KCNK13: variants seen among roughly 807,000 people sequenced by gnomAD.
KCNK13 encodes the protein potassium two pore domain channel subfamily K member 13.
KCNK13 carries 12 observed loss-of-function variants against 23.4 expected under a neutral mutation model. That is an observed-to-expected ratio of 0.51 (90% CI 0.33 to 0.83). The LOEUF (loss-of-function observed/expected upper bound fraction) is 0.83, where lower values mean the gene tolerates loss of function less well. KCNK13 is among the 40% of genes least tolerant of loss of function. The probability of loss-of-function intolerance (pLI) is 0.02; values close to 1 mark genes in which losing one functional copy is unlikely to be tolerated. For missense variants in KCNK13, 463 were observed against 556.3 expected (o/e 0.83, Z 1.69); for synonymous variants, 231 against 229.5 (o/e 1.01, Z -0.06).
intron 1 of KCNK13, among the ~76,000 whole-genome samples, chr14:90,117,703 A>T (rs1329853504): frequency 6.6e-6 from 1 of 152,102 alleles, no homozygotes; most frequent in African/African-American, 2.4e-5. Context: ...GTAAGGGGGG[A>T]CCACTTGTAT....
At chr14:90,116,271 C>T (rs151125522) in intron 1 of KCNK13, among the ~76,000 whole-genome samples, 311 of 152,238 alleles carry the variant, frequency 2.0e-3, no homozygotes, top group Non-Finnish European at 3.6e-3. Context: ...TGAAGCCTGC[C>T]TTTAAATCTG....
chr14:90,089,652 A>T (rs1311697591), intron 1 of KCNK13, among the ~76,000 whole-genome samples: 1 of 152,232 alleles, frequency 6.6e-6, no homozygotes, highest in South Asian at 2.1e-4. Context: ...TCTCCAGGGC[A>T]TGTCAGAGGT....
rs1227170561 is a variant in KCNK13, at chr14:90,184,727, C to T, written c.951C>T (p.Gly317=). 1 of 1,614,168 alleles carries T rather than the reference C, an allele frequency of 6.2e-7. No homozygotes were observed. The highest frequency in any genetic ancestry group is 1.7e-5 in the Admixed American group (1 of 60,034). The change falls in exon 2 of 2, where the codon GGC becomes GGT. Residue 317 remains glycine (G), a synonymous_variant. Transcript: ENST00000282146. This position sits in a 1 kb window ranked among gnomAD's most constrained non-coding sequence, Gnocchi z 5.6. ...LRSRRNVVMP[G]SVRNRCNISI... is the part of the protein sequence containing the mutation. ...CACGCAGGAACGTGGTGATGCCAGGCAGCGTCCGGAACCGCTGCAACATCT... is the reference window on the plus strand; with the variant it reads ...CACGCAGGAACGTGGTGATGCCAGGTAGCGTCCGGAACCGCTGCAACATCT...
At chr14:90,159,832 C>T (rs1890232741) in intron 1 of KCNK13, among the ~76,000 whole-genome samples, 1 of 152,052 alleles carries the variant, frequency 6.6e-6, no homozygotes, top group Admixed American at 6.6e-5. Context: ...GTTTAAATTC[C>T]CCCTGTATCC....
At chr14:90,101,683 G>A (rs78526459) in intron 1 of KCNK13, among the ~76,000 whole-genome samples, 3 of 149,244 alleles carry the variant, frequency 2.0e-5, no homozygotes, top group Admixed American at 1.3e-4. Context: ...CCAGCTACTC[G>A]GGAGGCTGAG....
At chr14:90,106,151 T>A (rs1467979238) in intron 1 of KCNK13, among the ~76,000 whole-genome samples, 1 of 152,226 alleles carries the variant, frequency 6.6e-6, no homozygotes, top group East Asian at 1.9e-4. Context: ...GCTAACTCCC[T>A]TTTTATGTCA....
intron 1 of KCNK13, among the ~76,000 whole-genome samples, chr14:90,102,597 A>T (rs1323078030): frequency 1.3e-5 from 2 of 151,920 alleles, no homozygotes; most frequent in Middle Eastern, 3.2e-3. Flanking sequence ...CTCTCCCATG[A>T]CCCCCTATGA....
At chr14:90,065,266 G>A (rs1888994866) in intron 1 of KCNK13, among the ~76,000 whole-genome samples, 1 of 152,098 alleles carries the variant, frequency 6.6e-6, no homozygotes, top group Non-Finnish European at 1.5e-5. Flanking sequence ...AGACTTTGAG[G>A]TAGCAGACAA....
At chr14:90,169,975 T>A (rs1890346108) in intron 1 of KCNK13, among the ~76,000 whole-genome samples, 1 of 152,288 alleles carries the variant, frequency 6.6e-6, no homozygotes, top group East Asian at 1.9e-4. Context: ...AAGAATAGTG[T>A]TTCCACAAAC....
At chr14:90,123,573 C>T (rs943231058) in intron 1 of KCNK13, among the ~76,000 whole-genome samples, 2 of 152,178 alleles carry the variant, frequency 1.3e-5, no homozygotes, top group African/African-American at 4.8e-5. Flanking sequence ...TAGTCCATAA[C>T]AGAAGGCAAT....
intron 1 of KCNK13, among the ~76,000 whole-genome samples, chr14:90,122,440 C>T (rs1889750335): frequency 6.6e-6 from 1 of 152,004 alleles, no homozygotes; most frequent in East Asian, 1.9e-4. Flanking sequence ...GCCTCAGCCT[C>T]AGCCTCAGGC....
At chr14:90,125,853 T>C (rs879106993) in intron 1 of KCNK13, among the ~76,000 whole-genome samples, 8 of 151,940 alleles carry the variant, frequency 5.3e-5, no homozygotes, top group African/African-American at 1.9e-4. Flanking sequence ...TGAAACCTCA[T>C]CTCTACAGAA....
chr14:90,092,592 A>AC (rs1297475679), intron 1 of KCNK13, among the ~76,000 whole-genome samples: 1 of 152,120 alleles, frequency 6.6e-6, no homozygotes, highest in Non-Finnish European at 1.5e-5. Flanking sequence ...GATACAGAAG[A>AC]CCAGCTTTTC....
chr14:90,175,017 C>T (rs1209592324), intron 1 of KCNK13, among the ~76,000 whole-genome samples: 2 of 152,168 alleles, frequency 1.3e-5, no homozygotes, highest in Non-Finnish European at 2.9e-5. Context: ...TCAGCTCCCC[C>T]TTATCTGAGA....
chr14:90,181,765 G>T (rs752691440), intron 1 of KCNK13, among the ~76,000 whole-genome samples: 3 of 152,022 alleles, frequency 2.0e-5, no homozygotes, highest in Non-Finnish European at 4.4e-5. Context: ...TGTCTGAAAG[G>T]ACCCTCCCCC....
intron 1 of KCNK13, among the ~76,000 whole-genome samples, chr14:90,148,493 AGAAG>A (rs1194050836): frequency 2.0e-5 from 3 of 152,230 alleles, no homozygotes; most frequent in African/African-American, 7.2e-5. Flanking sequence ...CTCTGCCAGG[AGAAG>A]CTGAGCAAGG....
intron 1 of KCNK13, among the ~76,000 whole-genome samples, chr14:90,141,794 T>TTTG (rs60315935): frequency 9.6e-5 from 12 of 125,546 alleles, no homozygotes; most frequent in African/African-American, 1.5e-4. Context: ...TTTTGTTTTT[T>TTTG]GGGGGGGGGG....
intron 1 of KCNK13, among the ~76,000 whole-genome samples, chr14:90,115,273 G>T (rs1889662952): frequency 6.6e-6 from 1 of 152,148 alleles, no homozygotes; most frequent in Non-Finnish European, 1.5e-5. Context: ...AATTACTGGG[G>T]ATCTGAGTGG....
intron 1 of KCNK13, among the ~76,000 whole-genome samples, chr14:90,141,795 G>GGGA (rs1555352001): frequency 1.1e-3 from 1 of 872 alleles, no homozygotes; most frequent in Non-Finnish European, 4.4e-3. Context: ...TTTGTTTTTT[G>GGGA]GGGGGGGGGA....
Sources: allele counts gnomAD v4.1 joint callset (sites outside exome capture counted in the v4.1 genomes callset), GRCh38; gene constraint gnomAD v4.1.1; non-coding constraint Gnocchi (gnomAD v3.1); transcripts MANE v1.5; gene names NCBI Gene and HGNC (gene_info 2026-07-23, HGNC 2026-07-21).